KCNB2: variants seen among roughly 807,000 people sequenced by gnomAD.
KCNB2 encodes potassium voltage-gated channel subfamily B member 2.
Under a neutral mutation model 61.5 loss-of-function variants are expected in KCNB2, and 15 were observed. The observed-to-expected ratio is 0.24, with a 90% CI of 0.16 to 0.38. KCNB2 has a LOEUF of 0.38. Among genes scored for constraint, KCNB2 ranks in the 10% least tolerant of loss-of-function variants. The pLI, the probability that KCNB2 is intolerant of heterozygous loss-of-function variation, is 1.00. For missense variants in KCNB2, 828 were observed against 1,125.2 expected (o/e 0.74, Z 3.78); for synonymous variants, 457 against 446.0 (o/e 1.02, Z -0.31).
intron 2 of KCNB2, among the ~76,000 whole-genome samples, chr8:72,761,300 A>G (rs1020165): frequency 0.025 from 3,856 of 152,224 alleles, 104 homozygotes; most frequent in African/African-American, 0.065. Context: ...CTGTCATGCT[A>G]TGGGTTACCT....
intron 2 of KCNB2, among the ~76,000 whole-genome samples, chr8:72,919,363 A>G (rs1033753941): frequency 6.6e-6 from 1 of 152,196 alleles, no homozygotes; most frequent in Non-Finnish European, 1.5e-5. Flanking sequence ...AAACCACAGA[A>G]GGAAGTGATT....
rs147641043 is a variant in KCNB2 at position 72,870,234 on chromosome 8, T to A, written c.580-65701T>A. Among the ~76,000 whole-genome samples, 16 of 152,302 alleles carry A rather than the reference T, an allele frequency of 1.1e-4. 1 individual carries two copies. Among genetic ancestry groups the A allele is most frequent in the African/African-American group, 3.8e-4 (16 of 41,572 alleles). On this transcript the variant is annotated intron_variant, in intron 2 of 2. Coordinates refer to ENST00000523207, the MANE Select transcript of KCNB2 (RefSeq NM_004770.3). ...CTGTTCAATGAGCATAAAGTTTCAG[T>A]TACATAAGATGAATAAGTTCTAGAG...
In KCNB2 at chr8:72,894,594, G is replaced by A. The variant is rs79724884; in HGVS notation, c.580-41341G>A. On this transcript the variant is annotated intron_variant, in intron 2 of 2. Transcript: ENST00000523207. ...CTGGCTTCACTTTTCCCCTTGCAGCGTGACCCACATTTGAAACCTTCATCA... is the reference window on the plus strand; with the variant it reads ...CTGGCTTCACTTTTCCCCTTGCAGCATGACCCACATTTGAAACCTTCATCA... 5.9e-5 allele frequency among the ~76,000 whole-genome samples: 9 copies of A among 151,552 alleles called. 1 individual carries two copies. The highest frequency in any genetic ancestry group is 1.2e-4 in the African/African-American group (5 of 41,368).
At chr8:72,786,112 C>T (rs1808842381) in intron 2 of KCNB2, among the ~76,000 whole-genome samples, 1 of 150,690 alleles carries the variant, frequency 6.6e-6, no homozygotes, top group African/African-American at 2.4e-5. Flanking sequence ...ATGCTCACTG[C>T]TTATCTGTTT....
intron 2 of KCNB2, among the ~76,000 whole-genome samples, chr8:72,915,919 AAAAAG>A (rs893539523): frequency 1.3e-5 from 2 of 152,216 alleles, no homozygotes; most frequent in African/African-American, 4.8e-5. Context: ...AATCCGTCTC[AAAAAG>A]AAAAGAAAAG....
chr8:72,753,785 A>G (rs1808241656), intron 2 of KCNB2, among the ~76,000 whole-genome samples: 1 of 152,212 alleles, frequency 6.6e-6, no homozygotes, highest in Admixed American at 6.5e-5. Flanking sequence ...AATTAATCCT[A>G]GGTATGGATA....
chr8:72,908,456 A>C (rs1229131508), intron 2 of KCNB2, among the ~76,000 whole-genome samples: 1 of 152,164 alleles, frequency 6.6e-6, no homozygotes, highest in Non-Finnish European at 1.5e-5. Flanking sequence ...GGCCCACAAT[A>C]CTGCTCAGTT....
At chr8:72,896,794 C>G (rs747951634) in intron 2 of KCNB2, among the ~76,000 whole-genome samples, 2 of 152,110 alleles carry the variant, frequency 1.3e-5, no homozygotes, top group African/African-American at 2.4e-5. Context: ...CATCTAGGCT[C>G]TGTCACTAGG....
At chr8:72,675,050 A>C (rs2245942) in intron 2 of KCNB2, among the ~76,000 whole-genome samples, 107,749 of 152,048 alleles carry the variant, frequency 0.71, 39,109 homozygotes, top group African/African-American at 0.85. Flanking sequence ...CTTTAGTCAT[A>C]CCTTTTCTTG....
At chr8:72,871,530 C>T (rs909836642) in intron 2 of KCNB2, among the ~76,000 whole-genome samples, 6 of 152,354 alleles carry the variant, frequency 3.9e-5, no homozygotes, top group African/African-American at 1.4e-4. Flanking sequence ...ATACACATTA[C>T]TTGTAGTTTT....
At chr8:72,539,877 T>C (rs1248221240) in intron 1 of KCNB2, among the ~76,000 whole-genome samples, 2 of 152,202 alleles carry the variant, frequency 1.3e-5, no homozygotes, top group East Asian at 3.8e-4. Flanking sequence ...TAAAACTTCA[T>C]AGTTTAGGCA....
At chr8:72,739,245 C>G (rs964519469) in intron 2 of KCNB2, among the ~76,000 whole-genome samples, 1 of 151,794 alleles carries the variant, frequency 6.6e-6, no homozygotes, top group Non-Finnish European at 1.5e-5. Context: ...CCCCCACCCC[C>G]GAGAACTGGA....
intron 2 of KCNB2, among the ~76,000 whole-genome samples, chr8:72,653,427 C>T (rs1439614480): frequency 1.3e-5 from 2 of 151,574 alleles, no homozygotes; most frequent in African/African-American, 4.9e-5. Flanking sequence ...CCCTATCACT[C>T]TTGATTCTCT....
chr8:72,715,104 G>A (rs1807405431), intron 2 of KCNB2, among the ~76,000 whole-genome samples: 2 of 152,274 alleles, frequency 1.3e-5, no homozygotes, highest in South Asian at 2.1e-4. Flanking sequence ...TCAACAAGAA[G>A]AACTAACTAT....
chr8:72,729,421 C>T (rs1807704253), intron 2 of KCNB2, among the ~76,000 whole-genome samples: 2 of 152,210 alleles, frequency 1.3e-5, no homozygotes, highest in Admixed American at 6.5e-5. Context: ...CCTGACCATA[C>T]ACGGGTTCTC....
chr8:72,717,558 G>A (rs1563569388), intron 2 of KCNB2, among the ~76,000 whole-genome samples: 2 of 152,082 alleles, frequency 1.3e-5, no homozygotes, highest in African/African-American at 2.4e-5. Context: ...AACAAGCAAT[G>A]GGGAAAGGAT....
At chr8:72,606,723 C>T (rs752498043) in intron 2 of KCNB2, among the ~76,000 whole-genome samples, 2 of 152,080 alleles carry the variant, frequency 1.3e-5, no homozygotes, top group Non-Finnish European at 2.9e-5. Flanking sequence ...TGGGTCCCCA[C>T]GGGGAAAAAG....
chr8:72,919,984 A>G (rs566911429), intron 2 of KCNB2, among the ~76,000 whole-genome samples: 16 of 152,294 alleles, frequency 1.1e-4, no homozygotes, highest in South Asian at 1.0e-3. Flanking sequence ...TATCACCTCT[A>G]TTACCTGAAG....
At chr8:72,754,037 C>A (rs1224529241) in intron 2 of KCNB2, among the ~76,000 whole-genome samples, 1 of 152,008 alleles carries the variant, frequency 6.6e-6, no homozygotes, top group Non-Finnish European at 1.5e-5. Flanking sequence ...TGGGAAAGTA[C>A]AAAGACAGAT....
Sources: gnomAD v4.1 joint callset for allele counts (sites outside exome capture counted in the v4.1 genomes callset) on GRCh38, gnomAD v4.1.1 for gene constraint, MANE v1.5 for transcripts, NCBI Gene and HGNC (gene_info 2026-07-23, HGNC 2026-07-21) for gene names.